Variants in YAP1 observed in about 807,000 individuals in gnomAD.
YAP1 encodes transcriptional coactivator YAP1.
Under a neutral mutation model 56.9 loss-of-function variants are expected in YAP1, and 5 were observed. The observed-to-expected ratio is 0.09, with a 90% CI of 0.05 to 0.18. The LOEUF (loss-of-function observed/expected upper bound fraction) is 0.18, where lower values mean the gene tolerates loss of function less well. Among genes scored for constraint, YAP1 ranks in the 10% least tolerant of loss-of-function variants. YAP1 has a pLI of 1.00. For synonymous variants in YAP1, 265 were observed against 248.1 expected, an observed-to-expected ratio of 1.07 and a Z score of -0.64; for missense variants, 539 against 651.8, an observed-to-expected ratio of 0.83 and a Z score of 1.88.
intron 8 of YAP1, among the ~76,000 whole-genome samples, chr11:102,229,315 C>A (rs117295265): frequency 6.6e-6 from 1 of 152,162 alleles, no homozygotes; most frequent in Non-Finnish European, 1.5e-5. Context: ...TAGGTCTATA[C>A]CACTCATGTT....
chr11:102,227,434 T>C (rs538017280), intron 7 of YAP1, 35 bp from the exon 8 acceptor site: 67 of 1,488,982 alleles, frequency 4.5e-5, no homozygotes, highest in South Asian at 3.2e-4. Context: ...TTTTAAAATT[T>C]TTTGTGTTGG....
In YAP1 at chr11:102,162,538, C is replaced by G; in HGVS notation, c.655C>G (p.Pro219Ala). The stretch of plus-strand genomic sequence containing the variant: ...GAACGTCACAGCCCCCACCAGTCCA[C>G]CAGTGCAGCAGAATATGATGAACTC... ...QMNVTAPTSP[P>A]VQQNMMNSAS... The change falls in exon 3 of 9, where the codon CCA becomes GCA. Residue 219 changes from proline to alanine, a missense_variant. By Grantham distance (27) the Pro-to-Ala change is conservative. This residue lies in a region of YAP1 where 414 missense variants were observed against 512.4 expected (regional missense o/e 0.81). Coordinates refer to ENST00000282441, the MANE Select transcript of YAP1 (RefSeq NM_001130145.3). 1.2e-6 allele frequency: 2 copies of G among 1,614,190 alleles called. No individual in the cohort carries two copies. Among genetic ancestry groups the G allele is most frequent in the Non-Finnish European group, 1.7e-6 (2 of 1,180,028 alleles).
intron 1 of YAP1, among the ~76,000 whole-genome samples, chr11:102,111,596 G>T (rs1319521777): frequency 1.3e-5 from 2 of 151,680 alleles, no homozygotes; most frequent in Non-Finnish European, 2.9e-5. Flanking sequence ...CTCCCGCCGG[G>T]CCGGGCTGGG....
chr11:102,181,263 G>A (rs1400300752), intron 3 of YAP1, among the ~76,000 whole-genome samples: 1 of 151,762 alleles, frequency 6.6e-6, no homozygotes, highest in Non-Finnish European at 1.5e-5. Context: ...GGCTAACACG[G>A]TGAAACCCCG....
At chr11:102,225,874 A>G (rs912599257) in intron 7 of YAP1, among the ~76,000 whole-genome samples, 1 of 152,204 alleles carries the variant, frequency 6.6e-6, no homozygotes, top group Admixed American at 6.5e-5. Context: ...AGCCTAGTCT[A>G]ATGCCTGTCA....
At chr11:102,129,160 G>A (rs1944223162) in intron 2 of YAP1, among the ~76,000 whole-genome samples, 1 of 152,138 alleles carries the variant, frequency 6.6e-6, no homozygotes, top group Non-Finnish European at 1.5e-5. Context: ...TCCCTGGCAG[G>A]TGGTGCTCAT....
At chr11:102,209,990 A>G (rs944794375) in intron 6 of YAP1, among the ~76,000 whole-genome samples, 1 of 152,234 alleles carries the variant, frequency 6.6e-6, no homozygotes, top group Non-Finnish European at 1.5e-5. Context: ...TCATGATACT[A>G]TGAGGAAGAG....
At chr11:102,198,936 A>G (rs1948705703) in intron 4 of YAP1, among the ~76,000 whole-genome samples, 1 of 152,308 alleles carries the variant, frequency 6.6e-6, no homozygotes, top group Admixed American at 6.5e-5. Context: ...AGAAACATGC[A>G]TATTTTTGTA....
chr11:102,136,339 C>G (rs1944671129), intron 2 of YAP1, among the ~76,000 whole-genome samples: 1 of 150,914 alleles, frequency 6.6e-6, no homozygotes, highest in African/African-American at 2.4e-5. Flanking sequence ...GACAGGGAGC[C>G]ATTTTTCCTT....
intron 2 of YAP1, among the ~76,000 whole-genome samples, chr11:102,117,989 A>G (rs1460449910): frequency 1.3e-5 from 2 of 152,162 alleles, no homozygotes. Context: ...TTCCTGACTC[A>G]GTATTCTATA....
At chr11:102,206,560 C>T (rs1003321123) in intron 5 of YAP1, among the ~76,000 whole-genome samples, 7 of 152,232 alleles carry the variant, frequency 4.6e-5, no homozygotes, top group Admixed American at 3.3e-4. Context: ...TAAATGTTAC[C>T]TTTGGCCAGG....
At chr11:102,122,293 G>A (rs866674280) in intron 2 of YAP1, among the ~76,000 whole-genome samples, 2 of 151,924 alleles carry the variant, frequency 1.3e-5, no homozygotes, top group Non-Finnish European at 2.9e-5. Flanking sequence ...GGTAGCCCAT[G>A]CCTGTAATCC....
intron 2 of YAP1, among the ~76,000 whole-genome samples, chr11:102,121,576 C>G (rs1943656289): frequency 6.6e-6 from 1 of 152,132 alleles, no homozygotes. Flanking sequence ...TGCATCCATA[C>G]TGTCTATGCT....
chr11:102,211,919 G>T (rs1949423652), intron 6 of YAP1, among the ~76,000 whole-genome samples: 1 of 152,066 alleles, frequency 6.6e-6, no homozygotes, highest in Non-Finnish European at 1.5e-5. Flanking sequence ...TATCCAGGAT[G>T]GTCTCCACCT....
chr11:102,155,855 C>T (rs1026326719), intron 2 of YAP1, among the ~76,000 whole-genome samples: 2 of 152,176 alleles, frequency 1.3e-5, no homozygotes, highest in Admixed American at 6.5e-5. Flanking sequence ...ATGAGCCAGC[C>T]GACTGAACAG....
intron 1 of YAP1, chr11:102,112,533 C>T: frequency 2.0e-6 from 2 of 982,744 alleles, no homozygotes; most frequent in Non-Finnish European, 1.2e-6. Context: ...AGTTAGCCCA[C>T]TCGGGATGTA....
chr11:102,188,698 C>T (rs1000015793), intron 4 of YAP1, among the ~76,000 whole-genome samples: 1 of 152,140 alleles, frequency 6.6e-6, no homozygotes, highest in African/African-American at 2.4e-5. Flanking sequence ...ACAGCCTAGG[C>T]ATGTAGTAGG....
chr11:102,182,607 GAA>G (rs1356654887), intron 3 of YAP1, among the ~76,000 whole-genome samples: 2 of 152,084 alleles, frequency 1.3e-5, no homozygotes, highest in Non-Finnish European at 2.9e-5. Context: ...CTTTTTTTGT[GAA>G]TAAAGCCTTT....
At chr11:102,134,912 ATTTTTGCCCAGG>A (rs1944585338) in intron 2 of YAP1, among the ~76,000 whole-genome samples, 1 of 151,030 alleles carries the variant, frequency 6.6e-6, no homozygotes, top group South Asian at 2.1e-4. Context: ...GAGTTTCACT[ATTTTTGCCCAGG>A]TTGGAGTGCA....
Sources: allele counts gnomAD v4.1 joint callset (sites outside exome capture counted in the v4.1 genomes callset), GRCh38; gene constraint gnomAD v4.1.1; regional missense constraint gnomAD v4.1.1; transcripts MANE v1.5; gene names NCBI Gene and HGNC (gene_info 2026-07-23, HGNC 2026-07-21).